The following CSMD1 variants were observed in gnomAD, a reference collection of about 807,000 sequenced individuals.
The protein encoded by CSMD1 is CUB and Sushi multiple domains 1.
A neutral mutation model predicts 417.5 loss-of-function variants in CSMD1; 213 were observed. That is an observed-to-expected ratio of 0.51 (90% CI 0.46 to 0.57). CSMD1 has a LOEUF of 0.57. CSMD1 is among the 20% of genes least tolerant of loss of function. The probability of loss-of-function intolerance (pLI) is 0.00; values close to 1 mark genes in which losing one functional copy is unlikely to be tolerated. For synonymous variants in CSMD1, 2,862 were observed against 1,736.8 expected (o/e 1.65, Z -16.11); for missense variants, 6,923 against 4,529.7 (o/e 1.53, Z -15.17).
At chr8:3,220,513 T>A (rs1441224966) in intron 28 of CSMD1, among the ~76,000 whole-genome samples, 1 of 152,164 alleles carries the variant, frequency 6.6e-6, no homozygotes, top group Non-Finnish European at 1.5e-5. Context: ...ATGACCAGAA[T>A]AAACTGATAA....
intron 49 of CSMD1, among the ~76,000 whole-genome samples, chr8:3,072,938 T>C (rs149303210): frequency 6.6e-5 from 10 of 152,180 alleles, no homozygotes; most frequent in African/African-American, 2.4e-4. Flanking sequence ...ATATTAAGAA[T>C]AGACAAAATT....
chr8:3,586,031 C>T, intron 9 of CSMD1, 105 bp downstream of exon 9: 1 of 1,183,564 alleles, frequency 8.4e-7, no homozygotes, highest in Non-Finnish European at 1.2e-6. Flanking sequence ...CTACCGAATT[C>T]TACTCTTCCC....
chr8:4,607,490 G>A lies in CSMD1; in HGVS notation c.302+29852C>T, dbSNP rs75897744. ...CCTGATACGACCCAGAAAACCCAGG[G>A]TGTGTGCCAAGCTGGCTAAGACAAA... On this transcript the variant is annotated intron_variant, in intron 2 of 69. Coordinates refer to ENST00000635120, the MANE Select transcript of CSMD1 (RefSeq NM_033225.6). 2.2e-3 allele frequency among the ~76,000 whole-genome samples: 335 copies of A among 152,208 alleles called. 6 individuals carry two copies. In the East Asian group the frequency reaches 0.055, roughly 25 times the overall value.
intron 1 of CSMD1, among the ~76,000 whole-genome samples, chr8:4,733,750 G>C (rs1409958332): frequency 6.6e-6 from 1 of 152,086 alleles, no homozygotes; most frequent in East Asian, 1.9e-4. Context: ...AGTAAAACTG[G>C]TAAACAAAGA....
At chr8:4,619,468 G>C (rs2130810751) in intron 2 of CSMD1, among the ~76,000 whole-genome samples, 1 of 152,266 alleles carries the variant, frequency 6.6e-6, no homozygotes, top group Admixed American at 6.5e-5. Context: ...AGTAGAAGTA[G>C]CAAGAAGAAA....
intron 4 of CSMD1, among the ~76,000 whole-genome samples, chr8:4,003,191 A>G (rs1218400632): frequency 2.6e-5 from 4 of 152,144 alleles, no homozygotes; most frequent in Non-Finnish European, 5.9e-5. Flanking sequence ...CAGGAGATCG[A>G]GACCATCCTG....
rs538538436 is a variant in CSMD1 at position 3,089,696 on chromosome 8, T to C, written c.7285+1820A>G. ...CAATTCTAAGTAAAAAGCTGTGAGATAGATAAAGAATTTTTTATATTCACA... is the reference window on the plus strand; with the variant it reads ...CAATTCTAAGTAAAAAGCTGTGAGACAGATAAAGAATTTTTTATATTCACA... On this transcript the variant is annotated intron_variant, in intron 48 of 69. Transcript: ENST00000635120. 7.9e-5 allele frequency among the ~76,000 whole-genome samples: 12 copies of C among 152,176 alleles called. No homozygotes were observed. The South Asian group carries it at 2.3e-3, about 29-fold the overall frequency.
intron 27 of CSMD1, among the ~76,000 whole-genome samples, chr8:3,226,988 A>C (rs1798543724): frequency 6.6e-6 from 1 of 152,210 alleles, no homozygotes; most frequent in African/African-American, 2.4e-5. Flanking sequence ...TTAAAACAAG[A>C]CATCATCACT....
intron 3 of CSMD1, among the ~76,000 whole-genome samples, chr8:4,046,806 A>T (rs181537133): frequency 6.6e-6 from 1 of 152,288 alleles, no homozygotes; most frequent in East Asian, 1.9e-4. Context: ...GTGAACTAAC[A>T]ATTATTGAAC....
At chr8:4,108,425 C>T (rs1801681764) in intron 3 of CSMD1, among the ~76,000 whole-genome samples, 1 of 152,268 alleles carries the variant, frequency 6.6e-6, no homozygotes, top group South Asian at 2.1e-4. Context: ...AAGTGACTGC[C>T]ATGTTGTTCA....
In CSMD1 at chr8:3,544,211, C is replaced by A. The variant is rs1475430476; in HGVS notation, c.1344+30734G>T. ...CATGGTTAAGGGAAGAGATTGATAA[C>A]GTTTACTAAACAGACCCAAAATTAA... On this transcript the variant is annotated intron_variant, in intron 10 of 69. Coordinates refer to ENST00000635120, the MANE Select transcript of CSMD1 (RefSeq NM_033225.6). Among the ~76,000 whole-genome samples, 4 of 152,022 alleles carry A rather than the reference C, an allele frequency of 2.6e-5. No individual in the cohort carries two copies. In the East Asian group the frequency reaches 7.7e-4, roughly 29 times the overall value.
At chr8:3,464,798 G>C (rs1306436780) in intron 12 of CSMD1, among the ~76,000 whole-genome samples, 1 of 151,982 alleles carries the variant, frequency 6.6e-6, no homozygotes, top group African/African-American at 2.4e-5. Flanking sequence ...CTTTTGAACA[G>C]ATTATTTTTA....
chr8:4,383,481 T>C (rs1803239672), intron 3 of CSMD1, among the ~76,000 whole-genome samples: 1 of 152,214 alleles, frequency 6.6e-6, no homozygotes, highest in Non-Finnish European at 1.5e-5. Flanking sequence ...CACAGTGATC[T>C]GTCGTCTGTA....
chr8:2,999,333 T>G (rs887246863), intron 53 of CSMD1, among the ~76,000 whole-genome samples: 2 of 152,056 alleles, frequency 1.3e-5, no homozygotes, highest in African/African-American at 4.8e-5. Flanking sequence ...TTATTGTATT[T>G]TTAGTAGAAA....
At chr8:3,958,288 T>G (rs1563253863) in intron 5 of CSMD1, among the ~76,000 whole-genome samples, 1 of 150,144 alleles carries the variant, frequency 6.7e-6, no homozygotes, top group South Asian at 2.1e-4. Context: ...TGTGGGGATG[T>G]GGAAAAAAAG....
intron 3 of CSMD1, among the ~76,000 whole-genome samples, chr8:4,415,223 C>A (rs1796867342): frequency 6.6e-6 from 1 of 152,162 alleles, no homozygotes. Context: ...CTCCGCTCCC[C>A]ACTGAACTCA....
intron 12 of CSMD1, among the ~76,000 whole-genome samples, chr8:3,466,577 A>ATTTTTTTTTTT (rs35761429): frequency 2.0e-4 from 23 of 113,600 alleles, no homozygotes; most frequent in African/African-American, 8.7e-4. Flanking sequence ...CAATCAGCTA[A>ATTTTTTTTTTT]TTTTTTTTTT....
chr8:3,829,193 C>G (rs1420663700), intron 5 of CSMD1, among the ~76,000 whole-genome samples: 1 of 152,128 alleles, frequency 6.6e-6, no homozygotes, highest in Non-Finnish European at 1.5e-5. Context: ...TCACTTTTCC[C>G]CCAAGTCCTC....
At chr8:4,430,415 A>C (rs1369433216) in intron 2 of CSMD1, among the ~76,000 whole-genome samples, 3 of 152,160 alleles carry the variant, frequency 2.0e-5, no homozygotes, top group African/African-American at 7.2e-5. Flanking sequence ...GTTATGACAT[A>C]GTCTACCTTC....
Sources: allele counts gnomAD v4.1 joint callset (sites outside exome capture counted in the v4.1 genomes callset), GRCh38; gene constraint gnomAD v4.1.1; transcripts MANE v1.5; gene names NCBI Gene and HGNC (gene_info 2026-07-23, HGNC 2026-07-21).